CLRN1: variants seen among roughly 807,000 people sequenced by gnomAD.
CLRN1 encodes the protein clarin-1.
In CLRN1, 15 loss-of-function variants were observed where a neutral mutation model predicts 18.7. The observed-to-expected ratio is 0.80, with a 90% CI of 0.54 to 1.23. The LOEUF is 1.23. Among genes scored for constraint, CLRN1 ranks in the 50% most tolerant of loss-of-function variants. The pLI is 0.00. For missense variants in CLRN1, 311 were observed against 277.5 expected, an observed-to-expected ratio of 1.12 and a Z score of -0.86; for synonymous variants, 104 against 102.9, an observed-to-expected ratio of 1.01 and a Z score of -0.07.
intron 1 of CLRN1, among the ~76,000 whole-genome samples, chr3:150,959,566 T>C (rs1248877633): frequency 6.6e-6 from 1 of 150,636 alleles, no homozygotes; most frequent in Non-Finnish European, 1.5e-5. Context: ...GAGGCAGAAG[T>C]TGCAGTGAGC....
At chr3:150,953,403 T>C (rs550345842) in intron 1 of CLRN1, among the ~76,000 whole-genome samples, 93 of 152,304 alleles carry the variant, frequency 6.1e-4, no homozygotes, top group African/African-American at 2.2e-3. Context: ...CTCCTCATAC[T>C]TAAACCATCC....
At chr3:150,931,420 C>G (rs1713137674) in intron 2 of CLRN1, among the ~76,000 whole-genome samples, 1 of 152,186 alleles carries the variant, frequency 6.6e-6, no homozygotes, top group Admixed American at 6.5e-5. Flanking sequence ...CATGAGGAAT[C>G]CTTGAAGTCA....
rs1297304406 is a variant in CLRN1 at position 150,943,776 on chromosome 3, T to C, written c.254-2015A>G. 4 of 1,613,418 alleles carry C rather than the reference T, an allele frequency of 2.5e-6. No individual in the cohort carries two copies. The African/African-American group carries it at 4.0e-5, about 16-fold the overall frequency. ...CACAGATGGCAGAGCTACGAGAGCA[T>C]TGTAACACACCCTCTGGGGCCCTGG... On this transcript the variant is annotated intron_variant, in intron 1 of 2. Coordinates refer to ENST00000327047, the MANE Select transcript of CLRN1 (RefSeq NM_174878.3).
At chr3:150,954,616 G>A (rs1039929613) in intron 1 of CLRN1, among the ~76,000 whole-genome samples, 14 of 152,150 alleles carry the variant, frequency 9.2e-5, no homozygotes, top group Non-Finnish European at 1.6e-4. Context: ...TTATTTTTAT[G>A]AACTCCAATT....
At chr3:150,943,839 C>G (rs1714001339) in intron 1 of CLRN1, 1 of 1,614,074 alleles carries the variant, frequency 6.2e-7, no homozygotes, top group African/African-American at 1.3e-5. Flanking sequence ...GCTGCAGGGC[C>G]TGCATGGAGT....
At chr3:150,967,027 T>C (rs549385880) in intron 1 of CLRN1, among the ~76,000 whole-genome samples, 1 of 152,348 alleles carries the variant, frequency 6.6e-6, no homozygotes, top group African/African-American at 2.4e-5. Flanking sequence ...GATGGAATTT[T>C]CTCAAAGCGT....
intron 1 of CLRN1, among the ~76,000 whole-genome samples, chr3:150,958,367 G>C (rs1260218068): frequency 6.6e-6 from 1 of 152,134 alleles, no homozygotes; most frequent in African/African-American, 2.4e-5. Flanking sequence ...CCTTATGACT[G>C]GTCCCCACTT....
At chr3:150,930,965 G>A (rs1020873200) in intron 2 of CLRN1, among the ~76,000 whole-genome samples, 2 of 152,170 alleles carry the variant, frequency 1.3e-5, no homozygotes, top group South Asian at 4.1e-4. Context: ...GTGCTGTCTG[G>A]TAGTAGAGAG....
At chr3:150,940,594 G>T in intron 2 of CLRN1, 1 of 1,374,768 alleles carries the variant, frequency 7.3e-7, no homozygotes, top group Non-Finnish European at 9.9e-7. Flanking sequence ...TTATCGTTCT[G>T]TATCCCTCCA....
At chr3:150,946,000 T>C (rs1375698035) in intron 1 of CLRN1, among the ~76,000 whole-genome samples, 1 of 152,162 alleles carries the variant, frequency 6.6e-6, no homozygotes, top group Non-Finnish European at 1.5e-5. Flanking sequence ...TAATAAGAGG[T>C]TGGAAATAAC....
chr3:150,941,432 G>A, intron 2 of CLRN1, 150 bp downstream of exon 2: 1 of 754,048 alleles, frequency 1.3e-6, no homozygotes, highest in Non-Finnish European at 2.3e-6. Context: ...TTGAGCAAGT[G>A]TGGTATTTCC....
chr3:150,936,406 T>C (rs1713490281), intron 2 of CLRN1, among the ~76,000 whole-genome samples: 1 of 152,332 alleles, frequency 6.6e-6, no homozygotes, highest in East Asian at 1.9e-4. Context: ...TCAGACTCGA[T>C]GTGCCCCAAA....
chr3:150,931,552 G>A (rs1398453249), intron 2 of CLRN1, among the ~76,000 whole-genome samples: 4 of 152,132 alleles, frequency 2.6e-5, no homozygotes, highest in Admixed American at 6.6e-5. Context: ...TTTCTCCTGG[G>A]TCATTCCTCC....
intron 1 of CLRN1, among the ~76,000 whole-genome samples, chr3:150,967,304 G>A (rs958532897): frequency 1.3e-4 from 20 of 152,114 alleles, no homozygotes; most frequent in African/African-American, 4.3e-4. Flanking sequence ...GGACAGAGGA[G>A]GAAGCAATTA....
At chr3:150,968,142 G>A (rs1278586462) in intron 1 of CLRN1, among the ~76,000 whole-genome samples, 1 of 152,166 alleles carries the variant, frequency 6.6e-6, no homozygotes, top group Non-Finnish European at 1.5e-5. Flanking sequence ...TCTTGGCAAT[G>A]AATAGATCAG....
intron 1 of CLRN1, among the ~76,000 whole-genome samples, chr3:150,965,573 T>C (rs1715224169): frequency 6.6e-6 from 1 of 152,136 alleles, no homozygotes. Context: ...GGAAGATGAG[T>C]CACCTTCAGA....
At chr3:150,969,379 T>C (rs984485307) in intron 1 of CLRN1, among the ~76,000 whole-genome samples, 1 of 129,816 alleles carries the variant, frequency 7.7e-6, no homozygotes, top group African/African-American at 3.0e-5. Flanking sequence ...AAGGCTGGAG[T>C]GCAGTGGCGA....
chr3:150,950,172 T>C (rs1207143273), intron 1 of CLRN1, among the ~76,000 whole-genome samples: 1 of 152,150 alleles, frequency 6.6e-6, no homozygotes, highest in Admixed American at 6.5e-5. Context: ...CAAGATGGAT[T>C]AAAGATTTAA....
intron 1 of CLRN1, among the ~76,000 whole-genome samples, chr3:150,960,524 A>G (rs938089705): frequency 5.3e-5 from 8 of 152,144 alleles, no homozygotes; most frequent in Non-Finnish European, 1.0e-4. Context: ...GACTATTGCT[A>G]TAACTAATGC....
Sources: gnomAD v4.1 joint callset for allele counts (sites outside exome capture counted in the v4.1 genomes callset) on GRCh38, gnomAD v4.1.1 for gene constraint, MANE v1.5 for transcripts, NCBI Gene and HGNC (gene_info 2026-07-23, HGNC 2026-07-21) for gene names.